The following BARD1 variants were observed in gnomAD, a reference collection of about 807,000 sequenced individuals.
BARD1 encodes BRCA1 associated RING domain 1.
In BARD1, 73 loss-of-function variants were observed where a neutral mutation model predicts 77.0. The observed-to-expected ratio is 0.95, with a 90% confidence interval of 0.79 to 1.15. The LOEUF is 1.15. BARD1 is among the 50% of genes most tolerant of loss of function. BARD1 has a pLI of 0.00. For missense variants in BARD1, 993 were observed against 938.8 expected, an observed-to-expected ratio of 1.06 and a Z score of -0.75; for synonymous variants, 384 against 338.0, an observed-to-expected ratio of 1.14 and a Z score of -1.49.
rs1218730514 is a variant in BARD1 at position 214,745,811 on chromosome 2, C to A, written c.1721G>T (p.Gly574Val). The A allele has an allele frequency of 1.9e-6, 3 of 1,613,864 alleles. No individual in the cohort carries two copies. The Admixed American group carries it at 5.0e-5, about 27-fold the overall frequency. ...CTGTTGTTCTGAAGACAGCCCACTG[C>A]CTATAAGTACAAGAGGTCCATCCCT... ...QRRDGPLVLI[G>V]SGLSSEQQKM... The change falls in exon 8 of 11, where the codon GGC (glycine) becomes GTC (valine). Residue 574 changes from glycine to valine, a missense_variant. Physicochemically the swap from Gly to Val is moderately radical, Grantham distance 109 (BLOSUM62 -3). Coordinates refer to ENST00000260947, the MANE Select transcript of BARD1 (RefSeq NM_000465.4).
intron 3 of BARD1, among the ~76,000 whole-genome samples, chr2:214,789,061 T>C (rs1695402666): frequency 6.6e-6 from 1 of 152,154 alleles, no homozygotes; most frequent in African/African-American, 2.4e-5. Context: ...TTTAGAGATC[T>C]GGACAGAAGG....
chr2:214,807,898 T>G (rs1268391098), intron 1 of BARD1, among the ~76,000 whole-genome samples: 1 of 152,250 alleles, frequency 6.6e-6, no homozygotes, highest in East Asian at 1.9e-4. Context: ...ATAATGCTTC[T>G]GTTATTGCAA....
intron 5 of BARD1, among the ~76,000 whole-genome samples, chr2:214,768,595 G>C (rs1308309129): frequency 6.6e-6 from 1 of 152,026 alleles, no homozygotes; most frequent in Non-Finnish European, 1.5e-5. Context: ...ACAGGATGAA[G>C]GCATCCACTT....
chr2:214,782,979 C>T (rs1695108889), intron 3 of BARD1, among the ~76,000 whole-genome samples: 1 of 152,074 alleles, frequency 6.6e-6, no homozygotes. Flanking sequence ...GACCAAGAGG[C>T]AAGAGCAAGA....
intron 9 of BARD1, among the ~76,000 whole-genome samples, chr2:214,744,399 A>G (rs1015658960): frequency 4.6e-5 from 7 of 152,186 alleles, no homozygotes; most frequent in African/African-American, 1.4e-4. Context: ...AAAGCAATAA[A>G]TTGCTTTCAT....
At position 214,769,294 on chromosome 2, in the gene BARD1, C is replaced by T. The variant is rs1553619735; in HGVS notation, c.1333G>A (p.Glu445Lys). ...TCACTTCCATTTTGTAAAAGGTATTCAACAGAAGGTATGTCGCCCTAGAAA... is the reference window on the plus strand; with the variant it reads ...TCACTTCCATTTTGTAAAAGGTATTTAACAGAAGGTATGTCGCCCTAGAAA... Reference protein sequence around the residue: ...ASIKGDIPSVEYLLQNGSDPN... With the variant: ...ASIKGDIPSVKYLLQNGSDPN... Residue 445 changes from glutamate to lysine, a missense_variant, in exon 5 of 11, where the codon GAA (glutamate) becomes AAA (lysine). Glu to Lys is a moderately conservative substitution (Grantham distance 56). Coordinates refer to ENST00000260947, the MANE Select transcript of BARD1 (RefSeq NM_000465.4). The T allele has an allele frequency of 3.7e-6, 6 of 1,613,240 alleles. No homozygotes were observed. The highest frequency in any genetic ancestry group is 5.1e-6 in the Non-Finnish European group (6 of 1,179,318).
intron 5 of BARD1, 61 bp from the exon 6 acceptor site, chr2:214,767,715 T>C: frequency 6.9e-7 from 1 of 1,449,118 alleles, no homozygotes; most frequent in Non-Finnish European, 9.6e-7. Flanking sequence ...TGGATGATAT[T>C]ATAATATCAC....
At position 214,780,612 on chromosome 2, in the gene BARD1, G is replaced by C. The variant is rs766209380; in HGVS notation, c.1262C>G (p.Ala421Gly). The C allele has an allele frequency of 1.9e-6, 3 of 1,614,060 alleles. No individual in the cohort carries two copies. Among genetic ancestry groups the C allele is most frequent in the Non-Finnish European group, 1.7e-6 (2 of 1,179,968 alleles). Residue 421 changes from alanine (A) to glycine (G), a missense_variant, in exon 4 of 11, where the codon GCT becomes GGT. By Grantham distance (60) the Ala-to-Gly change is moderately conservative. Transcript: ENST00000260947. Reference protein sequence around the residue: ...PSAMKLLPNMAVKRNHRGETL... With the variant: ...PSAMKLLPNMGVKRNHRGETL... Reference sequence around the variant, plus strand: ...CTCTCCTCTATGATTTCTTTTCACAGCCATATTGGGCAACAGCTTCATTGC... The same window carrying C: ...CTCTCCTCTATGATTTCTTTTCACACCCATATTGGGCAACAGCTTCATTGC...
intron 4 of BARD1, among the ~76,000 whole-genome samples, chr2:214,778,278 TTAAAA>T (rs1313760391): frequency 6.8e-6 from 1 of 146,226 alleles, no homozygotes; most frequent in African/African-American, 2.5e-5. Flanking sequence ...GATATATTTA[TTAAAA>T]TAAAGCTAAG....
intron 1 of BARD1, 86 bp from the exon 2 acceptor site, chr2:214,797,203 T>G: frequency 3.9e-6 from 4 of 1,029,750 alleles, no homozygotes; most frequent in Non-Finnish European, 6.2e-6. Flanking sequence ...GGCCCAACAC[T>G]ACCATATTTC....
At chr2:214,799,110 C>T (rs1035240248) in intron 1 of BARD1, among the ~76,000 whole-genome samples, 19 of 152,026 alleles carry the variant, frequency 1.2e-4, no homozygotes, top group African/African-American at 4.6e-4. Context: ...GAGCGAGACC[C>T]TGTATCAAAA....
intron 3 of BARD1, among the ~76,000 whole-genome samples, chr2:214,782,058 T>C (rs1695066486): frequency 6.6e-6 from 1 of 152,074 alleles, no homozygotes; most frequent in African/African-American, 2.4e-5. Flanking sequence ...ACCAACATAA[T>C]ACTGAAGAAC....
rs577148938 is a variant in BARD1 at position 214,781,642 on chromosome 2, G to A, written c.365-133C>T. 3 of 694,908 alleles carry A rather than the reference G, an allele frequency of 4.3e-6. No homozygotes were observed. The South Asian group carries it at 5.7e-5, about 13-fold the overall frequency. 43.0% of individuals were successfully genotyped at this position (694,908 alleles called of 1,614,324 possible). ...TTATGTACTTCTTTCTCAGCTCCTA[G>A]AGTGTGAACTCTTTGATAGCAGATA... is the stretch of plus-strand genomic sequence containing the variant. On this transcript the variant is annotated intron_variant, in intron 3 of 10. Transcript: ENST00000260947.
chr2:214,751,083 G>C (rs61643990), intron 7 of BARD1, among the ~76,000 whole-genome samples: 3,955 of 20,438 alleles, frequency 0.19, 374 homozygotes, highest in African/African-American at 0.23. Context: ...GAAATTCTGT[G>C]TGTGTGTGTG....
intron 4 of BARD1, among the ~76,000 whole-genome samples, chr2:214,775,450 G>A (rs1389808799): frequency 6.6e-6 from 1 of 152,138 alleles, no homozygotes; most frequent in East Asian, 1.9e-4. Context: ...CATGGCCAGG[G>A]TTTGTGGTGC....
chr2:214,789,759 A>G (rs1292007245), intron 3 of BARD1, among the ~76,000 whole-genome samples: 1 of 152,110 alleles, frequency 6.6e-6, no homozygotes, highest in African/African-American at 2.4e-5. Context: ...GAATAACGGG[A>G]TTAAAGATGA....
At chr2:214,781,709 T>A (rs1360124845) in intron 3 of BARD1, among the ~76,000 whole-genome samples, 200 bp from the exon 4 acceptor site, 1 of 152,064 alleles carries the variant, frequency 6.6e-6, no homozygotes, top group African/African-American at 2.4e-5. Context: ...TTGTGCCATA[T>A]CCTAGAGACT....
intron 7 of BARD1, among the ~76,000 whole-genome samples, chr2:214,747,859 TAATAAAATAAAATAA>T (rs1227014913): frequency 6.7e-6 from 1 of 149,498 alleles, no homozygotes; most frequent in African/African-American, 2.5e-5. Flanking sequence ...AGTATAATAA[TAATAAAATAAAATAA>T]AATAAAATAA....
chr2:214,736,003 A>G (rs1692550897), intron 9 of BARD1, among the ~76,000 whole-genome samples: 1 of 152,034 alleles, frequency 6.6e-6, no homozygotes. Flanking sequence ...TTTTTTTAAT[A>G]TGAAAGTCAT....
Sources: gnomAD v4.1 joint callset for allele counts (sites outside exome capture counted in the v4.1 genomes callset) on GRCh38, gnomAD v4.1.1 for gene constraint, MANE v1.5 for transcripts, NCBI Gene and HGNC (gene_info 2026-07-23, HGNC 2026-07-21) for gene names.